KCNIP4: variants seen among roughly 807,000 people sequenced by gnomAD.
KCNIP4 encodes Kv channel-interacting protein 4.
KCNIP4 carries 12 observed loss-of-function variants against 34.0 expected under a neutral mutation model. That is an observed-to-expected ratio of 0.35 (90% CI 0.23 to 0.57). The LOEUF (loss-of-function observed/expected upper bound fraction) is 0.57, where lower values mean the gene tolerates loss of function less well. Among genes scored for constraint, KCNIP4 ranks in the 20% least tolerant of loss-of-function variants. The probability of loss-of-function intolerance (pLI) is 0.83; values close to 1 mark genes in which losing one functional copy is unlikely to be tolerated. For missense variants in KCNIP4, 238 were observed against 311.7 expected (o/e 0.76, Z 1.78); for synonymous variants, 124 against 102.2 (o/e 1.21, Z -1.29).
At chr4:21,291,573 G>A (rs1216053750) in intron 1 of KCNIP4, among the ~76,000 whole-genome samples, 9 of 152,084 alleles carry the variant, frequency 5.9e-5, no homozygotes, top group Non-Finnish European at 1.2e-4. Context: ...ATGATGGCCA[G>A]GTGCGGTGGC....
intron 1 of KCNIP4, among the ~76,000 whole-genome samples, chr4:21,243,110 G>T (rs1443726514): frequency 6.6e-6 from 1 of 152,008 alleles, no homozygotes; most frequent in Non-Finnish European, 1.5e-5. Context: ...TCTTAATAAA[G>T]TTATAATTTC....
At chr4:20,951,347 T>G (rs1486995620) in intron 1 of KCNIP4, among the ~76,000 whole-genome samples, 1 of 152,220 alleles carries the variant, frequency 6.6e-6, no homozygotes, top group Non-Finnish European at 1.5e-5. Flanking sequence ...TAACACACTG[T>G]TAATCCAGGA....
intron 1 of KCNIP4, among the ~76,000 whole-genome samples, chr4:21,044,616 C>T (rs1742277971): frequency 6.6e-6 from 1 of 152,142 alleles, no homozygotes; most frequent in Admixed American, 6.5e-5. Flanking sequence ...AGCCCGTTTC[C>T]CCTGTTGAAC....
rs188647246 is a variant in KCNIP4, at chr4:20,919,627, C to T, written c.62-36918G>A. Among the ~76,000 whole-genome samples the T allele has an allele frequency of 3.3e-3, 470 of 142,918 alleles. 1 individual carries two copies. The highest frequency in any genetic ancestry group is 0.016 in the Middle Eastern group (4 of 256). The allele number at this position is 142,918 out of a possible 152,430, so 93.8% of individuals were successfully genotyped here. A position where few individuals can be genotyped will look rare whatever the true frequency, so the allele number is the denominator to read the frequency against. ...CTGAGGCAGGAGAATGGCGTGAACACGGGAGGCGGAGCTTGCCCTGAGCGG... is the reference window on the plus strand; with the variant it reads ...CTGAGGCAGGAGAATGGCGTGAACATGGGAGGCGGAGCTTGCCCTGAGCGG... On this transcript the variant is annotated intron_variant, in intron 1 of 8. Transcript: ENST00000382152.
intron 1 of KCNIP4, among the ~76,000 whole-genome samples, chr4:21,748,223 G>A (rs1285494530): frequency 6.6e-6 from 1 of 152,178 alleles, no homozygotes; most frequent in Non-Finnish European, 1.5e-5. Flanking sequence ...AGGCAGAAGG[G>A]TGTGGTGGAA....
rs1321416509 is a variant in KCNIP4 at position 21,369,888 on chromosome 4, C to A, written c.62-487179G>T. On this transcript the variant is annotated intron_variant, in intron 1 of 8. Transcript: ENST00000382152. ...CCAGGCTGGAGTTCAGTGGCACCAT[C>A]TCTGCTCACTGCAAGCTCTGTCTCT... Among the ~76,000 whole-genome samples the A allele has an allele frequency of 4.2e-5, 6 of 144,058 alleles. 1 individual carries two copies. Among genetic ancestry groups the A allele is most frequent in the African/African-American group, 1.7e-4 (6 of 35,088 alleles). 94.5% of individuals were successfully genotyped at this position (144,058 alleles called of 152,430 possible).
At chr4:21,503,952 A>G (rs1733574224) in intron 1 of KCNIP4, among the ~76,000 whole-genome samples, 1 of 152,234 alleles carries the variant, frequency 6.6e-6, no homozygotes, top group Non-Finnish European at 1.5e-5. Context: ...ATTTAATTAC[A>G]TAGATCATGT....
intron 1 of KCNIP4, among the ~76,000 whole-genome samples, chr4:21,325,640 G>T (rs1483828694): frequency 6.6e-6 from 1 of 151,216 alleles, no homozygotes; most frequent in Non-Finnish European, 1.5e-5. Flanking sequence ...TACTAACTTT[G>T]GGTTTGGTTT....
intron 1 of KCNIP4, among the ~76,000 whole-genome samples, chr4:21,326,253 T>C (rs569715609): frequency 2.0e-5 from 3 of 151,538 alleles, no homozygotes; most frequent in East Asian, 3.9e-4. Context: ...TAATAACAGT[T>C]GCTTTATACA....
intron 1 of KCNIP4, among the ~76,000 whole-genome samples, chr4:21,906,845 GC>G (rs1168314016): frequency 6.6e-6 from 1 of 151,950 alleles, no homozygotes; most frequent in Non-Finnish European, 1.5e-5. Flanking sequence ...TGCATCCAAA[GC>G]AAAACAGTAT....
At chr4:21,247,592 T>TATATATATATAC (rs551818480) in intron 1 of KCNIP4, among the ~76,000 whole-genome samples, 5 of 144,296 alleles carry the variant, frequency 3.5e-5, no homozygotes, top group African/African-American at 1.3e-4. Flanking sequence ...TATATATATA[T>TATATATATATAC]ACACCACAGA....
At chr4:21,749,155 T>C (rs911037942) in intron 1 of KCNIP4, among the ~76,000 whole-genome samples, 4 of 152,152 alleles carry the variant, frequency 2.6e-5, no homozygotes, top group Non-Finnish European at 5.9e-5. Flanking sequence ...TATCCAAACA[T>C]GTCTTCAAAA....
chr4:21,229,576 C>T (rs185658338), intron 1 of KCNIP4, among the ~76,000 whole-genome samples: 2 of 152,096 alleles, frequency 1.3e-5, no homozygotes, highest in African/African-American at 2.4e-5. Context: ...TGGGAGAAAT[C>T]GGATAACAAA....
At chr4:21,857,089 GA>G (rs1398152592) in intron 1 of KCNIP4, among the ~76,000 whole-genome samples, 1 of 152,230 alleles carries the variant, frequency 6.6e-6, no homozygotes, top group Non-Finnish European at 1.5e-5. Context: ...TTCAAGTGGG[GA>G]AAGGCCTGAA....
Position 21,563,242 on chromosome 4 carries a change from C to T in KCNIP4, c.61+385329G>A, listed in dbSNP as rs147203455. Among the ~76,000 whole-genome samples, 5 of 152,060 alleles carry T rather than the reference C, an allele frequency of 3.3e-5. No homozygotes were observed. In the East Asian group the frequency reaches 7.7e-4, roughly 24 times the overall value. Reference sequence around the variant, plus strand: ...TGGATATGTTAAAAAATGATTCAAACACAAATGGTTTCCTTCAACTTAATG... The same window carrying T: ...TGGATATGTTAAAAAATGATTCAAATACAAATGGTTTCCTTCAACTTAATG... On this transcript the variant is annotated intron_variant, in intron 1 of 8. Coordinates refer to ENST00000382152, the MANE Select transcript of KCNIP4 (RefSeq NM_025221.6).
chr4:21,390,888 G>T (rs547979297), intron 1 of KCNIP4, among the ~76,000 whole-genome samples: 2 of 152,234 alleles, frequency 1.3e-5, no homozygotes, highest in Non-Finnish European at 2.9e-5. Context: ...GGAACTGTCA[G>T]ATATTTTTCC....
intron 3 of KCNIP4, among the ~76,000 whole-genome samples, chr4:20,807,909 A>T (rs1343849496): frequency 6.6e-6 from 1 of 152,168 alleles, no homozygotes; most frequent in Non-Finnish European, 1.5e-5. Flanking sequence ...CCTACAGTAC[A>T]TCTAACAAGT....
At chr4:20,942,843 TG>T (rs551722065) in intron 1 of KCNIP4, among the ~76,000 whole-genome samples, 1,942 of 152,170 alleles carry the variant, frequency 0.013, 48 homozygotes, top group African/African-American at 0.045. Flanking sequence ...AGCTAATTTT[TG>T]TATTTTTAGT....
intron 1 of KCNIP4, among the ~76,000 whole-genome samples, chr4:21,631,844 G>C (rs1037084835): frequency 2.0e-5 from 3 of 152,104 alleles, no homozygotes; most frequent in African/African-American, 7.2e-5. Context: ...TTTTCCTTGA[G>C]GGTTATGAAA....
Sources: allele counts gnomAD v4.1 joint callset (sites outside exome capture counted in the v4.1 genomes callset), GRCh38; gene constraint gnomAD v4.1.1; transcripts MANE v1.5; gene names NCBI Gene and HGNC (gene_info 2026-07-23, HGNC 2026-07-21).